FOCAD: variants seen among roughly 807,000 people sequenced by gnomAD.
The protein encoded by FOCAD is KIAA1797.
Under a neutral mutation model 225.6 loss-of-function variants are expected in FOCAD, and 198 were observed. That is an observed-to-expected ratio of 0.88 (90% CI 0.78 to 0.99). The LOEUF (loss-of-function observed/expected upper bound fraction) is 0.99. FOCAD is among the 50% of genes least tolerant of loss of function. The pLI, the probability that FOCAD is intolerant of heterozygous loss-of-function variation, is 0.00. For synonymous variants in FOCAD, 897 were observed against 755.0 expected, an observed-to-expected ratio of 1.19 and a Z score of -3.08; for missense variants, 2,713 against 2,123.6, an observed-to-expected ratio of 1.28 and a Z score of -5.46.
In FOCAD at chr9:20,731,240, A is replaced by AAACAACAAC. The variant is rs146322610; in HGVS notation, c.288-8960_288-8952dup. Among the ~76,000 whole-genome samples the AAACAACAAC allele has an allele frequency of 5.7e-3, 858 of 150,396 alleles. 6 individuals carry two copies. The highest frequency in any genetic ancestry group is 0.014 in the East Asian group (73 of 5,074). On this transcript the variant is annotated intron_variant, in intron 4 of 43. Coordinates refer to ENST00000338382, the MANE Select transcript of FOCAD (RefSeq NM_001375567.1). ...GTGACACAGCGAGACTTTGTCTCCA[A>AAACAACAAC]AACAACAACAACAACAACAACAACA...
chr9:20,869,226 A>C (rs1288732436), intron 18 of FOCAD, among the ~76,000 whole-genome samples: 1 of 152,180 alleles, frequency 6.6e-6, no homozygotes, highest in Non-Finnish European at 1.5e-5. Context: ...TGGTTTACAC[A>C]CAAGACTTAA....
chr9:20,855,722 C>A (rs527368977), intron 15 of FOCAD, among the ~76,000 whole-genome samples: 1 of 151,028 alleles, frequency 6.6e-6, no homozygotes, highest in East Asian at 1.9e-4. Context: ...ACCCATTAAT[C>A]ATTTCTGCTG....
At chr9:20,687,329 C>G (rs1451664899) in intron 1 of FOCAD, among the ~76,000 whole-genome samples, 2 of 152,158 alleles carry the variant, frequency 1.3e-5, no homozygotes, top group Non-Finnish European at 2.9e-5. Flanking sequence ...CTTCTAATCT[C>G]CTTTTGGTCA....
rs900661794 is a variant in FOCAD, at chr9:20,725,377, A to G, written c.287+4843A>G. On this transcript the variant is annotated intron_variant, in intron 4 of 43. Coordinates refer to ENST00000338382, the MANE Select transcript of FOCAD (RefSeq NM_001375567.1). Reference sequence around the variant, plus strand: ...TTTAGAAAAATGATTCTAAAATTTTATCTTTCCATCTTGCCTATTTATCTT... The same window carrying G: ...TTTAGAAAAATGATTCTAAAATTTTGTCTTTCCATCTTGCCTATTTATCTT... 2.0e-5 allele frequency among the ~76,000 whole-genome samples: 3 copies of G among 152,204 alleles called. No individual in the cohort carries two copies. In the South Asian group the frequency reaches 6.2e-4, roughly 32 times the overall value.
In FOCAD at chr9:20,932,653, G is replaced by A. The variant is rs150172254; in HGVS notation, c.3318-361G>A. 2.2e-3 allele frequency among the ~76,000 whole-genome samples: 333 copies of A among 152,316 alleles called. 3 individuals carry two copies. Among genetic ancestry groups the A allele is most frequent in the African/African-American group, 7.4e-3 (306 of 41,574 alleles). On this transcript the variant is annotated intron_variant, in intron 27 of 43. Coordinates refer to ENST00000338382, the MANE Select transcript of FOCAD (RefSeq NM_001375567.1). ...TGATAATGTCAGGTTAATACGTTAA[G>A]TATTCTGAAGAAAATCACTTAAGCA...
intron 21 of FOCAD, among the ~76,000 whole-genome samples, chr9:20,898,564 C>T (rs1441901784): frequency 1.3e-5 from 2 of 151,890 alleles, no homozygotes; most frequent in Non-Finnish European, 2.9e-5. Context: ...CTTTTCGTCT[C>T]TAGCATTTAT....
At chr9:20,705,141 T>G (rs1488281916) in intron 1 of FOCAD, among the ~76,000 whole-genome samples, 1 of 152,202 alleles carries the variant, frequency 6.6e-6, no homozygotes, top group East Asian at 1.9e-4. Context: ...GTAAAATGCT[T>G]AGAATATTGC....
intron 6 of FOCAD, among the ~76,000 whole-genome samples, chr9:20,763,294 A>G (rs1370953096): frequency 6.6e-6 from 1 of 152,148 alleles, no homozygotes; most frequent in Non-Finnish European, 1.5e-5. Context: ...ATAGTCTGGC[A>G]GGGGGATACA....
At chr9:20,954,773 G>A (rs1407138296) in intron 35 of FOCAD, among the ~76,000 whole-genome samples, 1 of 152,204 alleles carries the variant, frequency 6.6e-6, no homozygotes, top group African/African-American at 2.4e-5. Flanking sequence ...GGAGAGGGCT[G>A]TCGTCTTGTC....
chr9:20,669,110 G>A (rs1379162498), intron 2 of FOCAD, among the ~76,000 whole-genome samples: 1 of 152,140 alleles, frequency 6.6e-6, no homozygotes, highest in Non-Finnish European at 1.5e-5. Context: ...CTTCTTGGGG[G>A]CCTTGTGCTT....
chr9:20,939,747 T>C (rs1354286793), intron 28 of FOCAD, among the ~76,000 whole-genome samples: 1 of 151,250 alleles, frequency 6.6e-6, no homozygotes, highest in African/African-American at 2.4e-5. Flanking sequence ...ATTTTATTTT[T>C]TTTCTTTCTT....
chr9:20,819,121 CCTAAT>C (rs935880445), intron 11 of FOCAD, among the ~76,000 whole-genome samples: 5 of 152,066 alleles, frequency 3.3e-5, no homozygotes, highest in African/African-American at 1.2e-4. Context: ...ATTGGAGTAA[CCTAAT>C]TGAATGTTTC....
chr9:20,758,219 A>G (rs1390667233), intron 6 of FOCAD, 28 bp downstream of exon 6: 1 of 1,531,998 alleles, frequency 6.5e-7, no homozygotes, highest in African/African-American at 1.4e-5. Flanking sequence ...TGTAAAATAA[A>G]GTGAGGGAGA....
intron 24 of FOCAD, among the ~76,000 whole-genome samples, chr9:20,917,654 T>C (rs191989921): frequency 2.0e-5 from 3 of 152,204 alleles, no homozygotes; most frequent in East Asian, 3.9e-4. Flanking sequence ...CTTTCTTGCC[T>C]CCAACCAACA....
intron 1 of FOCAD, among the ~76,000 whole-genome samples, chr9:20,707,272 T>C (rs1317898465): frequency 2.0e-5 from 3 of 152,228 alleles, no homozygotes; most frequent in African/African-American, 4.8e-5. Context: ...TATTTTCTAC[T>C]CTGGGTTTAA....
intron 8 of FOCAD, among the ~76,000 whole-genome samples, chr9:20,772,543 G>T (rs11789636): frequency 6.6e-6 from 1 of 152,012 alleles, no homozygotes; most frequent in Non-Finnish European, 1.5e-5. Flanking sequence ...ATCTCAATAA[G>T]AGGGAGTGGT....
intron 15 of FOCAD, among the ~76,000 whole-genome samples, chr9:20,836,815 C>T (rs115604792): frequency 0.019 from 2,823 of 151,484 alleles, 100 homozygotes; most frequent in African/African-American, 0.062. Context: ...ATATATGAAA[C>T]GGGTAGGGAA....
intron 10 of FOCAD, among the ~76,000 whole-genome samples, chr9:20,786,262 G>A (rs560250546): frequency 1.3e-5 from 2 of 152,274 alleles, no homozygotes; most frequent in African/African-American, 2.4e-5. Context: ...TGTGATAATA[G>A]TAAATTGAAA....
chr9:20,800,801 C>T (rs918718684), intron 11 of FOCAD, among the ~76,000 whole-genome samples: 2 of 152,060 alleles, frequency 1.3e-5, no homozygotes, highest in African/African-American at 4.8e-5. Flanking sequence ...AGACTTCCTC[C>T]TTTAGCTCGG....
Sources: allele counts gnomAD v4.1 joint callset (sites outside exome capture counted in the v4.1 genomes callset), GRCh38; gene constraint gnomAD v4.1.1; transcripts MANE v1.5; gene names NCBI Gene and HGNC (gene_info 2026-07-23, HGNC 2026-07-21).